The following LOXHD1 variants were observed in gnomAD, a reference collection of about 807,000 sequenced individuals.
LOXHD1 encodes lipoxygenase homology domain-containing protein 1.
LOXHD1 carries 205 observed loss-of-function variants against 248.2 expected under a neutral mutation model. The observed-to-expected ratio is 0.83, with a 90% CI of 0.74 to 0.93. The LOEUF (loss-of-function observed/expected upper bound fraction) is 0.93, where lower values mean the gene tolerates loss of function less well. Ranked by LOEUF, LOXHD1 falls within the 40% of genes least tolerant of loss-of-function variation. The pLI is 0.00. For synonymous variants in LOXHD1, 1,113 were observed against 1,162.8 expected (o/e 0.96, Z 0.87); for missense variants, 2,930 against 2,971.6 (o/e 0.99, Z 0.33).
At position 46,477,758 on chromosome 18, in the gene LOXHD1, A is replaced by G. The variant is rs1241971667; in HGVS notation, c.6536T>C (p.Phe2179Ser). ...CTTGCCTGTGTCTCCGTTGGCCCCA[A>G]AGATGGTCACGAAGACGTTGGCATC... ...GTDANVFVTI[F>S]GANGDTGKRE... The change falls in exon 41 of 41, where the codon TTT becomes TCT. Residue 2179 changes from phenylalanine to serine, a missense_variant. Physicochemically the swap from Phe to Ser is radical, Grantham distance 155. Coordinates refer to ENST00000642948, the MANE Select transcript of LOXHD1 (RefSeq NM_001384474.1). The G allele has an allele frequency of 2.6e-6, 4 of 1,551,874 alleles. No homozygotes were observed. In the East Asian group the frequency reaches 7.3e-5, roughly 28 times the overall value.
chr18:46,637,189 T>C (rs1425530367), intron 4 of LOXHD1, among the ~76,000 whole-genome samples: 4 of 152,096 alleles, frequency 2.6e-5, no homozygotes, highest in Middle Eastern at 3.4e-3. Flanking sequence ...AAAAAAACCA[T>C]TGGAATATTT....
chr18:46,648,589 G>A (rs1282695484), intron 2 of LOXHD1, among the ~76,000 whole-genome samples: 1 of 152,138 alleles, frequency 6.6e-6, no homozygotes, highest in Non-Finnish European at 1.5e-5. Flanking sequence ...TGCATGCAGT[G>A]GGGGGAAAGG....
At chr18:46,623,158 G>A (rs559019762) in intron 4 of LOXHD1, among the ~76,000 whole-genome samples, 52 of 152,238 alleles carry the variant, frequency 3.4e-4, no homozygotes, top group South Asian at 6.2e-4. Context: ...GTGCAAATTA[G>A]GCAAAAAGAA....
intron 37 of LOXHD1, among the ~76,000 whole-genome samples, chr18:46,496,609 C>A (rs1455056494): frequency 6.6e-6 from 1 of 152,228 alleles, no homozygotes; most frequent in Non-Finnish European, 1.5e-5. Context: ...AAACTTCCAT[C>A]TCTGGAGGAG....
At chr18:46,515,669 G>C (rs987340226) in intron 34 of LOXHD1, among the ~76,000 whole-genome samples, 1 of 152,164 alleles carries the variant, frequency 6.6e-6, no homozygotes. Context: ...AGAAAATCCA[G>C]GAATATGGGG....
chr18:46,631,243 A>C (rs771778468), intron 4 of LOXHD1, among the ~76,000 whole-genome samples: 8 of 152,096 alleles, frequency 5.3e-5, no homozygotes, highest in Non-Finnish European at 1.2e-4. Context: ...ACACATTAGG[A>C]AGTTAGAGCC....
At chr18:46,517,309 A>G (rs1234164075) in intron 34 of LOXHD1, among the ~76,000 whole-genome samples, 1 of 152,094 alleles carries the variant, frequency 6.6e-6, no homozygotes, top group Non-Finnish European at 1.5e-5. Flanking sequence ...GTCATTACTA[A>G]TCACTAATGA....
At chr18:46,506,180 T>A (rs2034559869) in intron 36 of LOXHD1, among the ~76,000 whole-genome samples, 157 bp from the exon 37 acceptor site, 1 of 152,152 alleles carries the variant, frequency 6.6e-6, no homozygotes, top group South Asian at 2.1e-4. Context: ...AAGGGTCAAT[T>A]ACTGTCCCAG....
chr18:46,476,996 A>T, downstream of LOXHD1: 2 of 579,232 alleles, frequency 3.5e-6, no homozygotes, highest in Non-Finnish European at 6.1e-6. Flanking sequence ...GGTTTATTGA[A>T]ACTGGGGAAA....
intron 12 of LOXHD1, 95 bp from the exon 13 acceptor site, chr18:46,579,879 C>T (rs1407735094): frequency 7.1e-7 from 1 of 1,404,972 alleles, no homozygotes; most frequent in East Asian, 2.5e-5. Context: ...TTCCTCCTCT[C>T]CTTCTAGTTC....
chr18:46,585,211 G>T (rs888488041), intron 12 of LOXHD1, among the ~76,000 whole-genome samples: 1 of 152,102 alleles, frequency 6.6e-6, no homozygotes, highest in Non-Finnish European at 1.5e-5. Context: ...GCCAAGGCAA[G>T]TAGGCAAGCA....
rs11082537 is a variant in LOXHD1, at chr18:46,557,824, G to T, written c.3217-335C>A. ...TGGTGGGTGTTTTGTGTGCAAGAGA[G>T]GGGGGTGCACTGAAACCCTCTGCAA... On this transcript the variant is annotated intron_variant, in intron 20 of 40. Transcript: ENST00000642948. 10 of 1,278,694 alleles carry T rather than the reference G, an allele frequency of 7.8e-6. No individual in the cohort carries two copies. In the East Asian group the frequency reaches 1.2e-4, roughly 15 times the overall value. 79.2% of individuals were successfully genotyped at this position (1,278,694 alleles called of 1,614,324 possible).
intron 29 of LOXHD1, among the ~76,000 whole-genome samples, chr18:46,525,657 GA>G (rs1405683432): frequency 2.6e-4 from 39 of 152,106 alleles, no homozygotes; most frequent in Admixed American, 2.6e-3. Flanking sequence ...CTTTGAATGA[GA>G]TGGGGCCAAG....
At chr18:46,644,906 G>T (rs1324109259) in intron 2 of LOXHD1, among the ~76,000 whole-genome samples, 1 of 152,182 alleles carries the variant, frequency 6.6e-6, no homozygotes, top group South Asian at 2.1e-4. Context: ...GATCCACCAG[G>T]ATGGACAGAG....
chr18:46,644,855 G>C (rs1399429710), intron 2 of LOXHD1, among the ~76,000 whole-genome samples: 9 of 152,228 alleles, frequency 5.9e-5, no homozygotes, highest in African/African-American at 2.2e-4. Flanking sequence ...TTGCTGGGGG[G>C]TGGGGAGGAG....
At chr18:46,511,279 C>T (rs2034947299) in intron 34 of LOXHD1, among the ~76,000 whole-genome samples, 1 of 152,076 alleles carries the variant, frequency 6.6e-6, no homozygotes, top group African/African-American at 2.4e-5. Flanking sequence ...AACTCACTAG[C>T]CACATCCTTC....
chr18:46,630,979 C>T (rs1022232559), intron 4 of LOXHD1, among the ~76,000 whole-genome samples: 2 of 152,138 alleles, frequency 1.3e-5, no homozygotes, highest in Non-Finnish European at 2.9e-5. Flanking sequence ...GAGGCTAGGA[C>T]TCAGGTCTCT....
At chr18:46,656,290 G>A (rs569027809) in intron 1 of LOXHD1, among the ~76,000 whole-genome samples, 4 of 152,338 alleles carry the variant, frequency 2.6e-5, no homozygotes, top group African/African-American at 9.6e-5. Context: ...GCCAAAACCA[G>A]CTCTAGGGTC....
rs2038329437 is a variant in LOXHD1, at chr18:46,601,082, A to G, written c.1134+135T>C. ...ATAGACGGACACGTAACCACCCAAA[A>G]TGCCCAATGAAAGAGATTGCCCATG... On this transcript the variant is annotated intron_variant, in intron 8 of 40. Coordinates refer to ENST00000642948, the MANE Select transcript of LOXHD1 (RefSeq NM_001384474.1). The G allele has an allele frequency of 3.3e-6, 4 of 1,218,772 alleles. No homozygotes were observed. The African/African-American group carries it at 6.1e-5, about 19-fold the overall frequency. 75.5% of individuals were successfully genotyped at this position (1,218,772 alleles called of 1,614,324 possible). A position where few individuals can be genotyped will look rare whatever the true frequency, so the allele number is the denominator to read the frequency against.
Sources: gnomAD v4.1 joint callset for allele counts (sites outside exome capture counted in the v4.1 genomes callset) on GRCh38, gnomAD v4.1.1 for gene constraint, MANE v1.5 for transcripts, NCBI Gene and HGNC (gene_info 2026-07-23, HGNC 2026-07-21) for gene names.